Variants in NFIL3 observed in about 807,000 individuals in gnomAD.
NFIL3 encodes nuclear factor, interleukin 3 regulated.
In NFIL3, 5 loss-of-function variants were observed where a neutral mutation model predicts 10.0. The observed-to-expected ratio is 0.50, with a 90% CI of 0.26 to 1.06. The LOEUF is 1.06. NFIL3 is among the 50% of genes least tolerant of loss of function. NFIL3 has a pLI of 0.13. For synonymous variants in NFIL3, 202 were observed against 206.5 expected, an observed-to-expected ratio of 0.98 and a Z score of 0.19; for missense variants, 436 against 547.6, an observed-to-expected ratio of 0.80 and a Z score of 2.03.
At chr9:91,462,440 C>T in the NFIL3 span, among the ~76,000 whole-genome samples, 1 of 152,062 alleles carries the variant, frequency 6.6e-6, no homozygotes, top group Admixed American at 6.6e-5. Flanking sequence ...GCTTTTTCTG[C>T]ATCTATTAAT....
the NFIL3 span, among the ~76,000 whole-genome samples, chr9:91,458,336 A>G: frequency 6.6e-6 from 1 of 152,048 alleles, no homozygotes; most frequent in Admixed American, 6.6e-5. Flanking sequence ...AGGGCTATTT[A>G]GGTTATTTAT....
chr9:91,481,258 C>T, the NFIL3 span, among the ~76,000 whole-genome samples: 2 of 151,936 alleles, frequency 1.3e-5, no homozygotes, highest in Non-Finnish European at 2.9e-5. Flanking sequence ...TATGTATACA[C>T]ATAGATAAAA....
intron 1 of NFIL3, among the ~76,000 whole-genome samples, chr9:91,417,561 G>A (rs567083819): frequency 1.8e-4 from 28 of 152,184 alleles, no homozygotes; most frequent in African/African-American, 6.7e-4. Flanking sequence ...GTATTTAAAA[G>A]CAGAGATGAA....
At position 91,410,158 on chromosome 9, in the gene NFIL3, C is replaced by A; in HGVS notation, c.577G>T (p.Val193Leu). 6.2e-7 allele frequency: 1 copy of A among 1,614,146 alleles called. No individual in the cohort carries two copies. Among genetic ancestry groups the A allele is most frequent in the Non-Finnish European group, 8.5e-7 (1 of 1,180,022 alleles). Reference sequence around the variant, plus strand: ...TCCTGCGTGTGTTCTACTGAGGACACTTCTGAAACATCGGACAGCGAGCTT... The same window carrying A: ...TCCTGCGTGTGTTCTACTGAGGACAATTCTGAAACATCGGACAGCGAGCTT... ...PQSSLSDVSEVSSVEHTQESS... is the reference protein window; with the variant it reads ...PQSSLSDVSELSSVEHTQESS... The change falls in exon 2 of 2, where the codon GTG (valine) becomes TTG (leucine). Residue 193 changes from valine (V) to leucine (L), a missense_variant. Coordinates refer to ENST00000297689, the MANE Select transcript of NFIL3 (RefSeq NM_005384.3). This position sits in a 1 kb window ranked among gnomAD's most constrained non-coding sequence, Gnocchi z 5.7.
At chr9:91,426,285 T>C (rs1354648831), upstream of NFIL3, 1 of 152,160 alleles carries the variant, frequency 6.6e-6, no homozygotes, top group Non-Finnish European at 1.5e-5. Context: ...AAAACAACTC[T>C]TTAGCTCCTC....
the NFIL3 span, among the ~76,000 whole-genome samples, chr9:91,440,894 A>G: frequency 9.2e-5 from 14 of 152,084 alleles, no homozygotes; most frequent in Admixed American, 9.2e-4. Flanking sequence ...GTTTTTTAAA[A>G]TTTGTTAAGG....
chr9:91,448,369 C>T, the NFIL3 span, among the ~76,000 whole-genome samples: 5 of 152,050 alleles, frequency 3.3e-5, no homozygotes, highest in Non-Finnish European at 7.4e-5. Flanking sequence ...AAGCGGAGTA[C>T]GTGCAAAAAG....
Position 91,410,870 on chromosome 9 carries a change from G to A in NFIL3, c.-136C>T, listed in dbSNP as rs1384353075. 2.2e-6 allele frequency: 2 copies of A among 924,928 alleles called. No individual in the cohort carries two copies. Among genetic ancestry groups the A allele is most frequent in the Non-Finnish European group, 3.1e-6 (2 of 639,384 alleles). 57.3% of individuals were successfully genotyped at this position (924,928 alleles called of 1,614,324 possible). A position where few individuals can be genotyped will look rare whatever the true frequency, so the allele number is the denominator to read the frequency against. Reference sequence around the variant, plus strand: ...TCTACCGTCTGGGATAAATCCGTCAGGCTCCTTATTGAATGAAGTTGGGCC... The same window carrying A: ...TCTACCGTCTGGGATAAATCCGTCAAGCTCCTTATTGAATGAAGTTGGGCC... On this transcript the variant is annotated 5_prime_UTR_variant, in exon 2 of 2. Transcript: ENST00000297689. The surrounding 1 kb of genome is among the most constrained non-coding windows in gnomAD (Gnocchi z 5.7).
At chr9:91,458,886 T>A in the NFIL3 span, among the ~76,000 whole-genome samples, 1 of 152,140 alleles carries the variant, frequency 6.6e-6, no homozygotes, top group Non-Finnish European at 1.5e-5. Flanking sequence ...AGGATGAGGT[T>A]GGGGCAAAGT....
At chr9:91,448,110 G>A in the NFIL3 span, among the ~76,000 whole-genome samples, 1 of 152,078 alleles carries the variant, frequency 6.6e-6, no homozygotes, top group African/African-American at 2.4e-5. Context: ...TTGCACCCTT[G>A]TCAAATGTCT....
Position 91,410,138 on chromosome 9 carries a change from C to T in NFIL3, c.597G>A (p.Thr199=), listed in dbSNP as rs754401904. ...AGCTTCCCTGCACAGAGCTCTCCTG[C>T]GTGTGTTCTACTGAGGACACTTCTG... The part of the protein sequence containing the change: ...DVSEVSSVEH[T]QESSVQGSCR... Residue 199 remains threonine (T), a synonymous_variant, in exon 2 of 2, where the codon ACG becomes ACA. Coordinates refer to ENST00000297689, the MANE Select transcript of NFIL3 (RefSeq NM_005384.3). The surrounding 1 kb of genome is among the most constrained non-coding windows in gnomAD (Gnocchi z 5.7). The T allele has an allele frequency of 2.9e-5, 47 of 1,613,992 alleles. No homozygotes were observed. In the South Asian group the frequency reaches 3.7e-4, roughly 13 times the overall value.
chr9:91,456,744 G>T, the NFIL3 span, among the ~76,000 whole-genome samples: 3 of 151,952 alleles, frequency 2.0e-5, no homozygotes, highest in South Asian at 6.2e-4. Flanking sequence ...TTTACTTTTT[G>T]CATTATATCT....
chr9:91,481,409 T>C, the NFIL3 span, among the ~76,000 whole-genome samples: 1 of 152,202 alleles, frequency 6.6e-6, no homozygotes, highest in Admixed American at 6.5e-5. Flanking sequence ...ATTTTTCACA[T>C]CAAAATATGT....
At chr9:91,473,160 G>C in the NFIL3 span, among the ~76,000 whole-genome samples, 68 of 152,312 alleles carry the variant, frequency 4.5e-4, no homozygotes, top group Admixed American at 1.6e-3. Flanking sequence ...GGCTACACGG[G>C]GGTCAGGCTA....
chr9:91,480,788 A>C, the NFIL3 span, among the ~76,000 whole-genome samples: 1 of 152,206 alleles, frequency 6.6e-6, no homozygotes, highest in Non-Finnish European at 1.5e-5. Context: ...ATTACTTCTC[A>C]ATTAATTGTC....
rs766517635 is a variant in NFIL3, at chr9:91,410,243, G to A, written c.492C>T (p.Asp164=). ...TSKSNVSSFV[D]EHEPSMVSSS... is the part of the protein sequence containing the mutation. ...TTGACACCATCGAGGGTTCGTGCTC[G>A]TCCACAAATGAACTCACATTGGATT... is the stretch of plus-strand genomic sequence containing the variant. Residue 164 remains aspartate, a synonymous_variant, in exon 2 of 2, where the codon GAC becomes GAT. Transcript: ENST00000297689. This position sits in a 1 kb window ranked among gnomAD's most constrained non-coding sequence, Gnocchi z 5.7. 1.5e-5 allele frequency: 24 copies of A among 1,613,982 alleles called. No homozygotes were observed. Among genetic ancestry groups the A allele is most frequent in the East Asian group, 2.2e-5 (1 of 44,888 alleles).
the NFIL3 span, among the ~76,000 whole-genome samples, chr9:91,439,338 T>C: frequency 6.6e-6 from 1 of 152,194 alleles, no homozygotes; most frequent in Non-Finnish European, 1.5e-5. Context: ...AAAACACTAC[T>C]GATTTTTGTA....
the NFIL3 span, among the ~76,000 whole-genome samples, chr9:91,446,278 C>CT: frequency 6.6e-6 from 1 of 152,210 alleles, no homozygotes; most frequent in Non-Finnish European, 1.5e-5. Flanking sequence ...TGGAGGCAAA[C>CT]TGTTTCCTTC....
chr9:91,442,796 A>G, the NFIL3 span, among the ~76,000 whole-genome samples: 1 of 152,252 alleles, frequency 6.6e-6, no homozygotes, highest in Admixed American at 6.5e-5. Context: ...AGAGGGTGCC[A>G]CAGCCCTGGC....
Sources: gnomAD v4.1 joint callset for allele counts (sites outside exome capture counted in the v4.1 genomes callset) on GRCh38, gnomAD v4.1.1 for gene constraint, Gnocchi (gnomAD v3.1) non-coding constraint, MANE v1.5 for transcripts, NCBI Gene and HGNC (gene_info 2026-07-23, HGNC 2026-07-21) for gene names.